The following DNM1L variants were observed in gnomAD, a reference collection of about 807,000 sequenced individuals.
The protein encoded by DNM1L is dynamin-1-like protein.
Under a neutral mutation model 92.8 loss-of-function variants are expected in DNM1L, and 33 were observed. That is an observed-to-expected ratio of 0.36 (90% CI 0.27 to 0.48). The LOEUF (loss-of-function observed/expected upper bound fraction) is 0.48, where lower values mean the gene tolerates loss of function less well. Among genes scored for constraint, DNM1L ranks in the 20% least tolerant of loss-of-function variants. The probability of loss-of-function intolerance (pLI) is 0.99; values close to 1 mark genes in which losing one functional copy is unlikely to be tolerated. For synonymous variants in DNM1L, 284 were observed against 305.0 expected (o/e 0.93, Z 0.72); for missense variants, 485 against 888.8 (o/e 0.55, Z 5.78).
In DNM1L at chr12:32,743,454, T is replaced by A; in HGVS notation, c.*44T>A. On this transcript the variant is annotated 3_prime_UTR_variant, in exon 20 of 20. Coordinates refer to ENST00000549701, the MANE Select transcript of DNM1L (RefSeq NM_012062.5). Reference sequence around the variant, plus strand: ...GAGACTTTGTTGACTCAAAACTTGCTAGTTACTGCCTACCTGAGTAGAATC... The same window carrying A: ...GAGACTTTGTTGACTCAAAACTTGCAAGTTACTGCCTACCTGAGTAGAATC... 6.4e-7 allele frequency: 1 copy of A among 1,574,354 alleles called. No individual in the cohort carries two copies. The highest frequency in any genetic ancestry group is 8.7e-7 in the Non-Finnish European group (1 of 1,144,392).
chr12:32,705,209 GC>G (rs1358952431), intron 2 of DNM1L, among the ~76,000 whole-genome samples: 4 of 151,822 alleles, frequency 2.6e-5, no homozygotes, highest in Admixed American at 2.6e-4. Flanking sequence ...TGCCATGTTG[GC>G]CAGGCTGGTC....
chr12:32,737,115 G>A lies in DNM1L; in HGVS notation c.1550G>A (p.Arg517Lys). 6.2e-7 allele frequency: 1 copy of A among 1,613,656 alleles called. No individual in the cohort carries two copies. Among genetic ancestry groups the A allele is most frequent in the Non-Finnish European group, 8.5e-7 (1 of 1,179,862 alleles). Residue 517 changes from arginine to lysine, a missense_variant, in exon 14 of 20, where the codon AGA (arginine) becomes AAA (lysine). Arg to Lys is a conservative substitution (Grantham distance 26). Around this residue, in one of 11 missense-constraint regions of DNM1L, gnomAD observed 65 missense variants for 59.4 expected, o/e 1.09. Coordinates refer to ENST00000549701, the MANE Select transcript of DNM1L (RefSeq NM_012062.5). ...LMNNNIEEQR[R>K]NRLARELPSA... ...GCTTGTGTTTCTTAGGAACAAAGGA[G>A]AAACAGGCTAGCCAGAGAATTACCT...
intron 1 of DNM1L, chr12:32,679,931 C>T: frequency 2.0e-6 from 2 of 985,942 alleles, no homozygotes; most frequent in South Asian, 4.7e-5. Flanking sequence ...CCTTGCCTTG[C>T]CCAGGGACTG....
rs769118365 is a variant in DNM1L, at chr12:32,713,196, CTGTT to C, written c.457-10_457-7del. On this transcript the variant is annotated splice_polypyrimidine_tract_variant and intron_variant, in intron 5 of 19. Transcript: ENST00000549701. ...TTAATTATTAGTTCCTTGCTCATCT[CTGTT>C]TGGTTTAGGTGCCTGTAGGTGATCA... 3.6e-5 allele frequency: 58 copies of C among 1,613,584 alleles called. No individual in the cohort carries two copies. The highest frequency in any genetic ancestry group is 4.7e-5 in the Non-Finnish European group (55 of 1,179,884).
intron 1 of DNM1L, among the ~76,000 whole-genome samples, chr12:32,691,430 G>C (rs1952230202): frequency 6.6e-6 from 1 of 152,052 alleles, no homozygotes; most frequent in Non-Finnish European, 1.5e-5. Context: ...GTAGAGACGG[G>C]GTTGGGTTTT....
At chr12:32,709,572 C>T (rs1807514463) in intron 4 of DNM1L, 1 of 152,150 alleles carries the variant, frequency 6.6e-6, no homozygotes, top group Non-Finnish European at 1.5e-5. Context: ...TCCCCCAACC[C>T]CAAATCTATG....
Position 32,701,853 on chromosome 12 carries a change from A to T in DNM1L, c.250+291A>T, listed in dbSNP as rs910924555. Among the ~76,000 whole-genome samples the T allele has an allele frequency of 6.8e-4, 103 of 151,636 alleles. 1 individual carries two copies. The highest frequency in any genetic ancestry group is 7.9e-4 in the Admixed American group (12 of 15,226). On this transcript the variant is annotated intron_variant, in intron 2 of 19. Transcript: ENST00000549701. ...AGCAATTCTCCTGCCTCAGCCTGCC[A>T]AGTAGCTGGGATTACAGGCGCCCCC...
chr12:32,738,030 A>G (rs2137570702), intron 15 of DNM1L, 88 bp downstream of exon 15: 2 of 1,414,260 alleles, frequency 1.4e-6, no homozygotes, highest in South Asian at 1.2e-5. Flanking sequence ...ATAGAAGAAT[A>G]TTAATATGGG....
rs1389679794 is a variant in DNM1L, at chr12:32,744,334, T to C, written c.*924T>C. ...AAAACCAGTGTACTGTATGTATGCATTGGTAATAGCTACTTTTGCTTCATA... is the reference window on the plus strand; with the variant it reads ...AAAACCAGTGTACTGTATGTATGCACTGGTAATAGCTACTTTTGCTTCATA... On this transcript the variant is annotated 3_prime_UTR_variant, in exon 20 of 20. Transcript: ENST00000549701. 2 of 153,920 alleles carry C rather than the reference T, an allele frequency of 1.3e-5. No individual in the cohort carries two copies. The highest frequency in any genetic ancestry group is 2.4e-5 in the African/African-American group (1 of 41,478). 9.5% of individuals were successfully genotyped at this position (153,920 alleles called of 1,614,324 possible).
At chr12:32,724,576 C>CAA (rs10535838) in intron 9 of DNM1L, among the ~76,000 whole-genome samples, 38 of 95,904 alleles carry the variant, frequency 4.0e-4, no homozygotes, top group East Asian at 2.5e-3. Context: ...ACTCTATCTC[C>CAA]AAAAAAAAAA....
Position 32,731,727 on chromosome 12 carries a change from G to C in DNM1L, c.1357-127G>C. The C allele has an allele frequency of 1.0e-6, 1 of 978,946 alleles. No individual in the cohort carries two copies. The allele number at this position is 978,946 out of a possible 1,614,324, so 60.6% of individuals were successfully genotyped here. A position where few individuals can be genotyped will look rare whatever the true frequency, so the allele number is the denominator to read the frequency against. On this transcript the variant is annotated intron_variant, in intron 11 of 19. Transcript: ENST00000549701. The surrounding 1 kb of genome is among the most constrained non-coding windows in gnomAD (Gnocchi z 5.1). ...AGTAAAAGAAAATGACTGTTAGCCT[G>C]GCATGGTGGCTTCTACATGTAGTCT...
intron 4 of DNM1L, among the ~76,000 whole-genome samples, chr12:32,710,162 G>A (rs1017148602): frequency 1.3e-5 from 2 of 152,186 alleles, no homozygotes; most frequent in Non-Finnish European, 2.9e-5. Context: ...GTCTGCAGGA[G>A]AGAAAATACA....
intron 6 of DNM1L, among the ~76,000 whole-genome samples, chr12:32,718,027 A>AAT (rs540054391): frequency 4.8e-5 from 6 of 126,062 alleles, no homozygotes; most frequent in African/African-American, 1.5e-4. Context: ...ATATATTATA[A>AAT]ATATATACTA....
chr12:32,722,820 CA>C (rs1480901228), intron 9 of DNM1L, 187 bp downstream of exon 9: 3 of 369,490 alleles, frequency 8.1e-6, no homozygotes, highest in Non-Finnish European at 9.5e-6. Flanking sequence ...TGATATAAAG[CA>C]AAGTAAAATT....
intron 9 of DNM1L, among the ~76,000 whole-genome samples, chr12:32,727,735 A>C (rs746552215): frequency 1.3e-5 from 2 of 152,194 alleles, no homozygotes; most frequent in Admixed American, 6.5e-5. Context: ...GAAGATTTGC[A>C]TAGTATTTTA....
At chr12:32,713,820 C>T (rs1401090603) in intron 6 of DNM1L, among the ~76,000 whole-genome samples, 1 of 151,912 alleles carries the variant, frequency 6.6e-6, no homozygotes, top group Admixed American at 6.6e-5. Context: ...TTAAAAAAAA[C>T]CAAAACACAG....
intron 1 of DNM1L, among the ~76,000 whole-genome samples, chr12:32,697,323 G>A (rs1952509215): frequency 6.6e-6 from 1 of 152,152 alleles, no homozygotes; most frequent in South Asian, 2.1e-4. Flanking sequence ...GAGAATGGGT[G>A]TCAGAATCAG....
At chr12:32,732,622 T>C in intron 12 of DNM1L, 1 of 453,988 alleles carries the variant, frequency 2.2e-6, no homozygotes, top group Non-Finnish European at 4.4e-6. Context: ...TAAGTGCTGC[T>C]GCTTGGTTGT....
intron 1 of DNM1L, among the ~76,000 whole-genome samples, chr12:32,685,732 T>C (rs916541044): frequency 6.8e-6 from 1 of 146,606 alleles, no homozygotes; most frequent in African/African-American, 2.6e-5. Context: ...CTTGTTGTTA[T>C]CTTTTTTTTT....
Sources: allele counts gnomAD v4.1 joint callset (sites outside exome capture counted in the v4.1 genomes callset), GRCh38; gene constraint gnomAD v4.1.1; regional missense constraint gnomAD v4.1.1; non-coding constraint Gnocchi (gnomAD v3.1); transcripts MANE v1.5; gene names NCBI Gene and HGNC (gene_info 2026-07-23, HGNC 2026-07-21).